The following ARL13B variants were observed in gnomAD, a reference collection of about 807,000 sequenced individuals.
ARL13B encodes ADP-ribosylation factor-like protein 13B.
ARL13B carries 36 observed loss-of-function variants against 56.1 expected under a neutral mutation model. The observed-to-expected ratio is 0.64, with a 90% CI of 0.49 to 0.85. The LOEUF is 0.85. Among genes scored for constraint, ARL13B ranks in the 40% least tolerant of loss-of-function variants. ARL13B has a pLI of 0.00. For missense variants in ARL13B, 519 were observed against 507.1 expected (o/e 1.02, Z -0.23); for synonymous variants, 178 against 171.1 (o/e 1.04, Z -0.32).
intron 1 of ARL13B, among the ~76,000 whole-genome samples, chr3:93,995,453 A>G (rs1575941683): frequency 6.6e-6 from 1 of 152,160 alleles, no homozygotes; most frequent in East Asian, 1.9e-4. Flanking sequence ...ATTTGGTAAG[A>G]TGCTACATAT....
At chr3:94,050,018 G>C (rs1576060414) in intron 8 of ARL13B, among the ~76,000 whole-genome samples, 1 of 150,104 alleles carries the variant, frequency 6.7e-6, no homozygotes, top group African/African-American at 2.4e-5. Flanking sequence ...AAAAAAATTA[G>C]CTGGGCGTAG....
At chr3:94,050,539 C>CATCTATATCATTTAATTTGGTGTT (rs2077051516) in intron 8 of ARL13B, among the ~76,000 whole-genome samples, 1 of 152,054 alleles carries the variant, frequency 6.6e-6, no homozygotes, top group Non-Finnish European at 1.5e-5. Context: ...TAGTTTCTGC[C>CATCTATATCATTTAATTTGGTGTT]TAGAGTTAGA....
chr3:93,999,885 T>A (rs542120531), intron 2 of ARL13B, among the ~76,000 whole-genome samples: 114 of 152,356 alleles, frequency 7.5e-4, no homozygotes, highest in African/African-American at 2.7e-3. Context: ...AGTCTAGGAC[T>A]GGTTTGTCAG....
At chr3:93,984,014 A>G (rs1229207831) in intron 1 of ARL13B, among the ~76,000 whole-genome samples, 1 of 152,178 alleles carries the variant, frequency 6.6e-6, no homozygotes, top group African/African-American at 2.4e-5. Context: ...TTTATGTTAT[A>G]TGTATAATTT....
chr3:94,041,902 T>C (rs1489482451), intron 6 of ARL13B, among the ~76,000 whole-genome samples: 1 of 151,862 alleles, frequency 6.6e-6, no homozygotes, highest in Non-Finnish European at 1.5e-5. Context: ...CTGCTAAAAA[T>C]ACAAAAAATT....
At chr3:94,021,162 G>T (rs1253669492) in intron 3 of ARL13B, among the ~76,000 whole-genome samples, 1 of 149,352 alleles carries the variant, frequency 6.7e-6, no homozygotes, top group Admixed American at 6.7e-5. Context: ...AGTTGTTTTT[G>T]TCTTTCGTGT....
At chr3:94,014,617 T>A (rs771544800) in intron 3 of ARL13B, 2 of 1,613,442 alleles carry the variant, frequency 1.2e-6, no homozygotes, top group Non-Finnish European at 8.5e-7. Flanking sequence ...ATTAACAAGT[T>A]CCTTGTGTCT....
intron 5 of ARL13B, among the ~76,000 whole-genome samples, chr3:94,038,915 ATACT>A (rs2076815801): frequency 6.6e-6 from 1 of 152,284 alleles, no homozygotes; most frequent in Admixed American, 6.5e-5. Context: ...TAATATGGAA[ATACT>A]TATTTAATCT....
intron 7 of ARL13B, 99 bp downstream of exon 7, chr3:94,043,339 T>TGG (rs2076897681): frequency 1.8e-6 from 2 of 1,082,844 alleles, no homozygotes; most frequent in Admixed American, 4.6e-5. Flanking sequence ...AACGAGTACT[T>TGG]CAATATTTTT....
At chr3:94,008,376 C>T (rs1263313001) in intron 3 of ARL13B, among the ~76,000 whole-genome samples, 1 of 152,012 alleles carries the variant, frequency 6.6e-6, no homozygotes, top group Non-Finnish European at 1.5e-5. Flanking sequence ...AACAAAAAAC[C>T]TTCAAACTAG....
chr3:93,980,300 C>T lies in ARL13B; in HGVS notation c.-124C>T. On this transcript the variant is annotated 5_prime_UTR_variant, in exon 1 of 10. Transcript: ENST00000394222. The stretch of plus-strand genomic sequence containing the variant: ...GGGCCGGCCGCCTTCACTTCCCTCC[C>T]GGCTTTTCCTCCCGACTTATCCACT... 5 of 1,338,674 alleles carry T rather than the reference C, an allele frequency of 3.7e-6. No individual in the cohort carries two copies. The highest frequency in any genetic ancestry group is 1.4e-5 in the African/African-American group (1 of 69,490). The allele number at this position is 1,338,674 out of a possible 1,614,324, so 82.9% of individuals were successfully genotyped here. A position where few individuals can be genotyped will look rare whatever the true frequency, so the allele number is the denominator to read the frequency against.
intron 1 of ARL13B, among the ~76,000 whole-genome samples, chr3:93,983,265 G>C (rs915961464): frequency 2.0e-5 from 3 of 152,172 alleles, no homozygotes; most frequent in African/African-American, 7.2e-5. Context: ...AGGAGTCAGA[G>C]ATCAAGTGTT....
intron 3 of ARL13B, among the ~76,000 whole-genome samples, chr3:94,022,932 C>G (rs571166783): frequency 1.0e-3 from 154 of 151,958 alleles, no homozygotes; most frequent in African/African-American, 3.5e-3. Context: ...TGAACATATC[C>G]TCTTGACATA....
intron 6 of ARL13B, among the ~76,000 whole-genome samples, chr3:94,041,130 T>A (rs927080729): frequency 2.6e-5 from 4 of 152,130 alleles, no homozygotes; most frequent in Middle Eastern, 3.2e-3. Context: ...CCACAAAACT[T>A]TTTTAGCATG....
chr3:94,014,178 T>C (rs948159029), intron 3 of ARL13B, among the ~76,000 whole-genome samples: 1 of 152,208 alleles, frequency 6.6e-6, no homozygotes, highest in African/African-American at 2.4e-5. Flanking sequence ...TATTTTTTTG[T>C]ACTTTAATTA....
chr3:94,045,969 A>AAAAAG (rs1553846828), intron 7 of ARL13B, among the ~76,000 whole-genome samples: 7 of 118,192 alleles, frequency 5.9e-5, no homozygotes, highest in Admixed American at 1.9e-4. Context: ...AAAAAAAAAG[A>AAAAAG]AAAAAAAAAG....
chr3:93,994,534 G>A (rs924002090), intron 1 of ARL13B, among the ~76,000 whole-genome samples: 1 of 151,952 alleles, frequency 6.6e-6, no homozygotes, highest in Non-Finnish European at 1.5e-5. Flanking sequence ...TAAAATGTAA[G>A]CTTAATAAGG....
chr3:93,985,646 C>T (rs1481066409), intron 1 of ARL13B, among the ~76,000 whole-genome samples: 4 of 152,034 alleles, frequency 2.6e-5, no homozygotes, highest in Non-Finnish European at 5.9e-5. Flanking sequence ...CATATGCCTG[C>T]CAGGTTTTAT....
intron 2 of ARL13B, among the ~76,000 whole-genome samples, chr3:93,997,547 A>G (rs1461712663): frequency 6.6e-6 from 1 of 152,208 alleles, no homozygotes; most frequent in Non-Finnish European, 1.5e-5. Flanking sequence ...TCTTCACAGG[A>G]CACTCACTAT....
Sources: allele counts gnomAD v4.1 joint callset (sites outside exome capture counted in the v4.1 genomes callset), GRCh38; gene constraint gnomAD v4.1.1; transcripts MANE v1.5; gene names NCBI Gene and HGNC (gene_info 2026-07-23, HGNC 2026-07-21).